Variants in GOLGA1 observed in about 807,000 individuals in gnomAD.
The protein encoded by GOLGA1 is golgin subfamily A member 1.
GOLGA1 carries 63 observed loss-of-function variants against 119.7 expected under a neutral mutation model. The ratio of observed to expected loss-of-function variants is 0.53; its 90% confidence interval spans 0.43 to 0.65. The LOEUF (loss-of-function observed/expected upper bound fraction) is 0.65, where lower values mean the gene tolerates loss of function less well. GOLGA1 is among the 30% of genes least tolerant of loss of function. GOLGA1 has a pLI of 0.00. For missense variants in GOLGA1, 798 were observed against 912.8 expected, an observed-to-expected ratio of 0.87 and a Z score of 1.62; for synonymous variants, 318 against 333.4, an observed-to-expected ratio of 0.95 and a Z score of 0.50.
chr9:124,882,521 G>A lies in GOLGA1; in HGVS notation c.1954C>T (p.Gln652Ter). ...QRMLELRKTL[Q>*]KELKIRPDNE... ...ATGCGAGTACTCACCAGCTCCTTCTGCAGAGTCTTCCGGAGCTCCAGCATC... is the reference window on the plus strand; with the variant it reads ...ATGCGAGTACTCACCAGCTCCTTCTACAGAGTCTTCCGGAGCTCCAGCATC... The change falls in exon 20 of 23, where the codon CAG (glutamine) becomes TAG (stop). Residue 652 changes from glutamine to a stop codon, truncating the protein, a stop_gained. Coordinates refer to ENST00000373555, the MANE Select transcript of GOLGA1 (RefSeq NM_002077.4). LOFTEE classifies it high-confidence loss of function. 2 of 1,611,644 alleles carry A rather than the reference G, an allele frequency of 1.2e-6. No homozygotes were observed. The highest frequency in any genetic ancestry group is 8.5e-7 in the Non-Finnish European group (1 of 1,178,818).
intron 3 of GOLGA1, among the ~76,000 whole-genome samples, chr9:124,933,176 C>T (rs377698301): frequency 6.6e-6 from 1 of 152,130 alleles, no homozygotes; most frequent in Admixed American, 6.5e-5. Flanking sequence ...TTATGAAATG[C>T]TTAGAGCCAG....
intron 12 of GOLGA1, 60 bp downstream of exon 12, chr9:124,908,317 T>C (rs1830271905): frequency 1.2e-6 from 1 of 860,488 alleles, no homozygotes; most frequent in Non-Finnish European, 2.0e-6. Flanking sequence ...AGTCACACCA[T>C]GTTGCCATTC....
At chr9:124,939,950 T>C (rs1365407801) in intron 2 of GOLGA1, among the ~76,000 whole-genome samples, 156 bp downstream of exon 2, 3 of 152,220 alleles carry the variant, frequency 2.0e-5, no homozygotes, top group Admixed American at 1.3e-4. Flanking sequence ...AAAACACTAA[T>C]ATTCTGGTTC....
At position 124,879,006 on chromosome 9, in the gene GOLGA1, G is replaced by C. The variant is rs574579832; in HGVS notation, c.*1524C>G. On this transcript the variant is annotated 3_prime_UTR_variant, in exon 23 of 23. Transcript: ENST00000373555. ...GGAGGAGGTTAGTCACTGGAGAAGC[G>C]GCCTCTGGAAGGCAGAGAGCCTGAG... is the stretch of plus-strand genomic sequence containing the variant. 6.6e-6 allele frequency: 1 copy of C among 152,202 alleles called. No homozygotes were observed. The highest frequency in any genetic ancestry group is 2.4e-5 in the African/African-American group (1 of 41,444). 9.4% of individuals were successfully genotyped at this position (152,202 alleles called of 1,614,324 possible). A position where few individuals can be genotyped will look rare whatever the true frequency, so the allele number is the denominator to read the frequency against.
chr9:124,886,302 G>A (rs141458322), intron 19 of GOLGA1, among the ~76,000 whole-genome samples: 16 of 152,312 alleles, frequency 1.1e-4, no homozygotes, highest in African/African-American at 3.6e-4. Context: ...CTTGTGCACG[G>A]CGGGTGGCAG....
At chr9:124,925,735 C>G (rs36103245) in intron 7 of GOLGA1, among the ~76,000 whole-genome samples, 1 of 151,884 alleles carries the variant, frequency 6.6e-6, no homozygotes, top group Non-Finnish European at 1.5e-5. Context: ...AATGTATTCT[C>G]TCAGCTTGAT....
At chr9:124,943,635 C>T (rs532732083), upstream of GOLGA1, 2 of 152,228 alleles carry the variant, frequency 1.3e-5, no homozygotes, top group South Asian at 2.1e-4. Flanking sequence ...TTATATCCTC[C>T]AAATGAATTA....
At chr9:124,941,370 C>T (rs1470812099), upstream of GOLGA1, among the ~76,000 whole-genome samples, 13 of 152,172 alleles carry the variant, frequency 8.5e-5, no homozygotes, top group Admixed American at 8.5e-4. Context: ...GGAGGGGCTT[C>T]GTGTCAAAAG....
chr9:124,882,605 T>C (rs762185021), intron 19 of GOLGA1, 36 bp from the exon 20 acceptor site: 2 of 1,539,920 alleles, frequency 1.3e-6, no homozygotes, highest in Non-Finnish European at 1.8e-6. Flanking sequence ...AGCCAATCGT[T>C]AGATGCATGT....
rs757460981 is a variant in GOLGA1 at position 124,881,942 on chromosome 9, C to T, written c.1978G>A (p.Asp660Asn). 8 of 1,604,822 alleles carry T rather than the reference C, an allele frequency of 5.0e-6. No homozygotes were observed. The highest frequency in any genetic ancestry group is 2.2e-5 in the East Asian group (1 of 44,764). Residue 660 changes from aspartate to asparagine, a missense_variant, in exon 21 of 23, where the codon GAT becomes AAT. Coordinates refer to ENST00000373555, the MANE Select transcript of GOLGA1 (RefSeq NM_002077.4). This position sits in a 1 kb window ranked among gnomAD's most constrained non-coding sequence, Gnocchi z 4.9. ...TCCCGGACTTCGAAGAGCTCATTAT[C>T]GGGTCTGATTTTCTGAAAAACCAGT... is the stretch of plus-strand genomic sequence containing the variant. ...TLQKELKIRPDNELFEVREKP... is the reference protein window; with the variant it reads ...TLQKELKIRPNNELFEVREKP...
intron 15 of GOLGA1, 95 bp downstream of exon 15, chr9:124,898,454 C>T: frequency 1.3e-6 from 1 of 752,370 alleles, no homozygotes; most frequent in East Asian, 2.5e-5. Flanking sequence ...AATTCTCCTC[C>T]TCCTGTACTG....
At chr9:124,898,793 T>C in intron 14 of GOLGA1, 149 bp from the exon 15 acceptor site, 2 of 589,112 alleles carry the variant, frequency 3.4e-6, no homozygotes, top group Non-Finnish European at 6.0e-6. Flanking sequence ...GGTCAGAAAG[T>C]AGGAAGTCTC....
At chr9:124,924,166 T>A (rs891976334) in intron 7 of GOLGA1, among the ~76,000 whole-genome samples, 1 of 152,150 alleles carries the variant, frequency 6.6e-6, no homozygotes, top group Non-Finnish European at 1.5e-5. Flanking sequence ...TTATTTTACA[T>A]GTCTATTCTT....
In GOLGA1 at chr9:124,890,418, G is replaced by A. The variant is rs764323375; in HGVS notation, c.1468C>T (p.Arg490Trp). The A allele has an allele frequency of 1.5e-5, 24 of 1,613,116 alleles. No homozygotes were observed. The highest frequency in any genetic ancestry group is 4.5e-5 in the East Asian group (2 of 44,888). ...TGCTGGAACTCTTCCCTTTGCTTCC[G>A]CACCTCCTCCAGGGCTTGAGCCATG... ...VAMAQALEEV[R>W]KQREEFQQQA... Residue 490 changes from arginine to tryptophan, a missense_variant, in exon 16 of 23, where the codon CGG becomes TGG. Arg to Trp is a moderately radical substitution (Grantham distance 101, BLOSUM62 -3). Coordinates refer to ENST00000373555, the MANE Select transcript of GOLGA1 (RefSeq NM_002077.4).
chr9:124,900,487 T>C lies in GOLGA1; in HGVS notation c.1126A>G (p.Ile376Val). 3 of 1,600,906 alleles carry C rather than the reference T, an allele frequency of 1.9e-6. No individual in the cohort carries two copies. The highest frequency in any genetic ancestry group is 2.6e-6 in the Non-Finnish European group (3 of 1,167,948). The change falls in exon 13 of 23, where the codon ATT becomes GTT. Residue 376 changes from isoleucine to valine, a missense_variant. Ile to Val is a conservative substitution (Grantham distance 29, BLOSUM62 3). Coordinates refer to ENST00000373555, the MANE Select transcript of GOLGA1 (RefSeq NM_002077.4). Reference protein sequence around the residue: ...SEEQLQQSKGIVAAQETQIQE... With the variant: ...SEEQLQQSKGVVAAQETQIQE... ...ATCTGAGTTTCCTGGGCAGCCACAA[T>C]GCCCTTGCTCTGTTGGAGCTGCTCC... is the stretch of plus-strand genomic sequence containing the variant.
chr9:124,900,948 G>A (rs565345544), intron 12 of GOLGA1, among the ~76,000 whole-genome samples: 4 of 151,432 alleles, frequency 2.6e-5, no homozygotes, highest in South Asian at 2.1e-4. Flanking sequence ...AAAGAATGCA[G>A]CAATTAACAT....
In GOLGA1 at chr9:124,881,314, G is replaced by T; in HGVS notation, c.2137-57C>A. ...CTTGGTGAAGGTGAGGCGGGGTGGG[G>T]TCGGGGGAGCTACGTGGCATTTCCT... On this transcript the variant is annotated intron_variant, in intron 21 of 22. Coordinates refer to ENST00000373555, the MANE Select transcript of GOLGA1 (RefSeq NM_002077.4). The surrounding 1 kb of genome is among the most constrained non-coding windows in gnomAD (Gnocchi z 4.9). 2 of 973,360 alleles carry T rather than the reference G, an allele frequency of 2.1e-6. No individual in the cohort carries two copies. The highest frequency in any genetic ancestry group is 2.5e-5 in the South Asian group (2 of 78,444). 60.3% of individuals were successfully genotyped at this position (973,360 alleles called of 1,614,324 possible).
chr9:124,935,719 T>C (rs182669848), intron 3 of GOLGA1, among the ~76,000 whole-genome samples: 31 of 148,480 alleles, frequency 2.1e-4, no homozygotes, highest in African/African-American at 6.2e-4. Context: ...GAGAATTGCT[T>C]GAACCCAGGG....
At chr9:124,903,612 A>G (rs1299793869) in intron 12 of GOLGA1, among the ~76,000 whole-genome samples, 5 of 144,140 alleles carry the variant, frequency 3.5e-5, no homozygotes, top group African/African-American at 1.3e-4. Flanking sequence ...TGGGCAACAT[A>G]GGGAGACCCT....
Sources: gnomAD v4.1 joint callset for allele counts (sites outside exome capture counted in the v4.1 genomes callset) on GRCh38, gnomAD v4.1.1 for gene constraint, Gnocchi (gnomAD v3.1) non-coding constraint, MANE v1.5 for transcripts, NCBI Gene and HGNC (gene_info 2026-07-23, HGNC 2026-07-21) for gene names.